Variants in SEMA3E observed in about 807,000 individuals in gnomAD.
The protein encoded by SEMA3E is semaphorin 3E.
A neutral mutation model predicts 93.6 loss-of-function variants in SEMA3E; 49 were observed. The observed-to-expected ratio is 0.52, with a 90% CI of 0.42 to 0.66. SEMA3E has a LOEUF of 0.66. SEMA3E is among the 30% of genes least tolerant of loss of function. The pLI is 0.00. For missense variants in SEMA3E, 906 were observed against 964.8 expected (o/e 0.94, Z 0.81); for synonymous variants, 363 against 330.7 (o/e 1.10, Z -1.06).
rs1193814816 is a variant in SEMA3E at position 83,364,574 on chromosome 7, G to A, written c.*3012C>T. Reference sequence around the variant, plus strand: ...AAATTAGCAATATAGAATTATAGACGTGGAATCACGAAGTAAAATCTTTTT... The same window carrying A: ...AAATTAGCAATATAGAATTATAGACATGGAATCACGAAGTAAAATCTTTTT... On this transcript the variant is annotated 3_prime_UTR_variant, in exon 17 of 17. Coordinates refer to ENST00000643230, the MANE Select transcript of SEMA3E (RefSeq NM_012431.3). 2 of 152,268 alleles carry A rather than the reference G, an allele frequency of 1.3e-5. No individual in the cohort carries two copies. Among genetic ancestry groups the A allele is most frequent in the East Asian group, 1.9e-4 (1 of 5,170 alleles). The allele number at this position is 152,268 out of a possible 1,614,324, so 9.4% of individuals were successfully genotyped here. A position where few individuals can be genotyped will look rare whatever the true frequency, so the allele number is the denominator to read the frequency against.
At chr7:83,391,536 A>G (rs1328529054) in intron 14 of SEMA3E, among the ~76,000 whole-genome samples, 1 of 152,176 alleles carries the variant, frequency 6.6e-6, no homozygotes, top group Non-Finnish European at 1.5e-5. Flanking sequence ...TCTTTAATAC[A>G]TTTGGTAAAT....
rs1794637541 is a variant in SEMA3E at position 83,364,491 on chromosome 7, C to G, written c.*3095G>C. On this transcript the variant is annotated 3_prime_UTR_variant, in exon 17 of 17. Transcript: ENST00000643230. ...TAGTGTTTATCCTTATTTTTAATCC[C>G]TGTTTCTCCAAGTTGATAGCTTTGC... 2 of 152,110 alleles carry G rather than the reference C, an allele frequency of 1.3e-5. No individual in the cohort carries two copies. Among genetic ancestry groups the G allele is most frequent in the African/African-American group, 4.8e-5 (2 of 41,422 alleles). 9.4% of individuals were successfully genotyped at this position (152,110 alleles called of 1,614,324 possible).
Position 83,647,080 on chromosome 7 carries a change from G to A in SEMA3E, c.115+1348C>T, listed in dbSNP as rs1048091648. On this transcript the variant is annotated intron_variant, in intron 1 of 16. Transcript: ENST00000643230. ...TACATACCATGATACATCTTCCCAA[G>A]TTAAAAGATTAGTGTTAATTCTGGG... Among the ~76,000 whole-genome samples the A allele has an allele frequency of 4.6e-5, 7 of 152,158 alleles. No homozygotes were observed. The South Asian group carries it at 6.2e-4, about 14-fold the overall frequency.
chr7:83,591,135 T>C (rs891402825), intron 1 of SEMA3E, among the ~76,000 whole-genome samples: 24 of 150,398 alleles, frequency 1.6e-4, no homozygotes, highest in African/African-American at 5.9e-4. Flanking sequence ...AGAGGAATTC[T>C]TTAAGGAATA....
intron 1 of SEMA3E, among the ~76,000 whole-genome samples, chr7:83,593,127 T>C (rs1164304879): frequency 1.3e-5 from 2 of 152,100 alleles, no homozygotes; most frequent in East Asian, 1.9e-4. Flanking sequence ...CAATAAACTT[T>C]AGTTACTAGC....
In SEMA3E at chr7:83,376,114, T is replaced by C. The variant is rs932216620; in HGVS notation, c.1876-8076A>G. Among the ~76,000 whole-genome samples, 4 of 152,030 alleles carry C rather than the reference T, an allele frequency of 2.6e-5. No homozygotes were observed. In the South Asian group the frequency reaches 8.3e-4, roughly 31 times the overall value. ...AATGCCAAAACTACGAAACAGATGG[T>C]TCAAATGAGGCAAGAGTTCATGCAC... is the stretch of plus-strand genomic sequence containing the variant. On this transcript the variant is annotated intron_variant, in intron 16 of 16. Transcript: ENST00000643230.
chr7:83,498,149 T>A (rs992422056), intron 1 of SEMA3E, among the ~76,000 whole-genome samples: 3 of 152,110 alleles, frequency 2.0e-5, no homozygotes, highest in African/African-American at 4.8e-5. Flanking sequence ...ATATAATACA[T>A]ATAAAAATAT....
intron 1 of SEMA3E, among the ~76,000 whole-genome samples, chr7:83,634,738 TATA>T (rs1249689597): frequency 1.3e-5 from 2 of 152,072 alleles, no homozygotes; most frequent in African/African-American, 4.8e-5. Flanking sequence ...ACTGTAACAA[TATA>T]ATAATAAAAT....
At chr7:83,457,831 C>T (rs1789520707) in intron 4 of SEMA3E, among the ~76,000 whole-genome samples, 1 of 152,120 alleles carries the variant, frequency 6.6e-6, no homozygotes, top group South Asian at 2.1e-4. Flanking sequence ...AGTTTTATCT[C>T]CTGCTGTTCT....
At chr7:83,599,307 C>A (rs1326565718) in intron 1 of SEMA3E, among the ~76,000 whole-genome samples, 3 of 152,246 alleles carry the variant, frequency 2.0e-5, no homozygotes, top group African/African-American at 7.2e-5. Context: ...GAATTACTTT[C>A]TTTTCCCCTT....
At position 83,366,003 on chromosome 7, in the gene SEMA3E, G is replaced by C. The variant is rs564344809; in HGVS notation, c.*1583C>G. ...AATTTTCAGAGGATGTCAATTTTCA[G>C]TATATTTGCATTTCTTAGATCTTTT... On this transcript the variant is annotated 3_prime_UTR_variant, in exon 17 of 17. Coordinates refer to ENST00000643230, the MANE Select transcript of SEMA3E (RefSeq NM_012431.3). 2 of 152,186 alleles carry C rather than the reference G, an allele frequency of 1.3e-5. No homozygotes were observed. The highest frequency in any genetic ancestry group is 1.9e-4 in the East Asian group (1 of 5,184). 9.4% of individuals were successfully genotyped at this position (152,186 alleles called of 1,614,324 possible).
chr7:83,459,907 C>T (rs938404115), intron 4 of SEMA3E, among the ~76,000 whole-genome samples: 12 of 152,158 alleles, frequency 7.9e-5, no homozygotes, highest in African/African-American at 2.7e-4. Context: ...CCCTACTGAG[C>T]ACCTTGCGAC....
At position 83,433,504 on chromosome 7, in the gene SEMA3E, C is replaced by G. The variant is rs143499051; in HGVS notation, c.457-15021G>C. ...CTACAGTCAAGTCAAACTACAACAA[C>G]CTTAACAATGCTTCCCAATTAGTTT... On this transcript the variant is annotated intron_variant, in intron 4 of 16. Coordinates refer to ENST00000643230, the MANE Select transcript of SEMA3E (RefSeq NM_012431.3). Among the ~76,000 whole-genome samples, 376 of 152,230 alleles carry G rather than the reference C, an allele frequency of 2.5e-3. 4 individuals carry two copies. Among genetic ancestry groups the G allele is most frequent in the African/African-American group, 8.6e-3 (358 of 41,578 alleles).
intron 1 of SEMA3E, among the ~76,000 whole-genome samples, chr7:83,583,099 T>C (rs1399534491): frequency 6.6e-6 from 1 of 152,158 alleles, no homozygotes; most frequent in Non-Finnish European, 1.5e-5. Context: ...TCTGCCCATT[T>C]ATTAGTGAAT....
Position 83,392,594 on chromosome 7 carries a change from G to T in SEMA3E, c.1628C>A (p.Ser543Tyr). Residue 543 changes from serine (S) to tyrosine (Y), a missense_variant, in exon 14 of 17, where the codon TCC becomes TAC. Ser to Tyr is a moderately radical substitution (Grantham distance 144). Coordinates refer to ENST00000643230, the MANE Select transcript of SEMA3E (RefSeq NM_012431.3). ...RDPYCAWDGI[S>Y]CSRYYPTGTH... ...GCCTGTTGGGTAATACCGGGAGCAGGATATGCCATCCCAGGCACAGTAAGG... is the reference window on the plus strand; with the variant it reads ...GCCTGTTGGGTAATACCGGGAGCAGTATATGCCATCCCAGGCACAGTAAGG... 6.2e-7 allele frequency: 1 copy of T among 1,613,732 alleles called. No individual in the cohort carries two copies. The highest frequency in any genetic ancestry group is 2.2e-5 in the East Asian group (1 of 44,836).
intron 1 of SEMA3E, among the ~76,000 whole-genome samples, chr7:83,525,056 A>T (rs80071549): frequency 0.012 from 1,841 of 152,138 alleles, 33 homozygotes; most frequent in African/African-American, 0.04. Flanking sequence ...GAAACGGTGC[A>T]TCAAGCTTAA....
chr7:83,516,075 A>G (rs1364676343), intron 1 of SEMA3E, among the ~76,000 whole-genome samples: 1 of 151,434 alleles, frequency 6.6e-6, no homozygotes, highest in Non-Finnish European at 1.5e-5. Flanking sequence ...ACCCAAAGAA[A>G]GGAAAACAAC....
chr7:83,616,932 C>T (rs1202962718), intron 1 of SEMA3E, among the ~76,000 whole-genome samples: 1 of 152,036 alleles, frequency 6.6e-6, no homozygotes, highest in African/African-American at 2.4e-5. Context: ...ACCACGTTGG[C>T]CAGGCTGGTC....
intron 16 of SEMA3E, among the ~76,000 whole-genome samples, chr7:83,370,311 A>G (rs1257533587): frequency 7.2e-5 from 11 of 152,030 alleles, no homozygotes; most frequent in African/African-American, 2.7e-4. Flanking sequence ...ACTGCCCTCC[A>G]TTTACTAACT....
Sources: allele counts gnomAD v4.1 joint callset (sites outside exome capture counted in the v4.1 genomes callset), GRCh38; gene constraint gnomAD v4.1.1; transcripts MANE v1.5; gene names NCBI Gene and HGNC (gene_info 2026-07-23, HGNC 2026-07-21).